Variants in TMTC1 observed in about 807,000 individuals in gnomAD.
TMTC1 encodes protein O-mannosyl-transferase TMTC1.
Under a neutral mutation model 104.8 loss-of-function variants are expected in TMTC1, and 73 were observed. That is an observed-to-expected ratio of 0.70 (90% CI 0.58 to 0.85). The LOEUF (loss-of-function observed/expected upper bound fraction) is 0.85, where lower values mean the gene tolerates loss of function less well. TMTC1 is among the 40% of genes least tolerant of loss of function. The probability of loss-of-function intolerance (pLI) is 0.00; values close to 1 mark genes in which losing one functional copy is unlikely to be tolerated. For synonymous variants in TMTC1, 434 were observed against 428.7 expected, an observed-to-expected ratio of 1.01 and a Z score of -0.15; for missense variants, 1,035 against 1,096.1, an observed-to-expected ratio of 0.94 and a Z score of 0.79.
intron 6 of TMTC1, among the ~76,000 whole-genome samples, chr12:29,619,077 A>G (rs2136454071): frequency 6.6e-6 from 1 of 152,320 alleles, no homozygotes; most frequent in African/African-American, 2.4e-5. Context: ...CATACAAATC[A>G]GGGGAAAAAA....
chr12:29,751,316 C>G (rs1398870276), intron 5 of TMTC1, among the ~76,000 whole-genome samples: 1 of 152,092 alleles, frequency 6.6e-6, no homozygotes, highest in Non-Finnish European at 1.5e-5. Flanking sequence ...AGATCAAACA[C>G]AAAGAGCAGA....
intron 5 of TMTC1, among the ~76,000 whole-genome samples, chr12:29,704,251 T>C (rs1941680143): frequency 6.6e-6 from 1 of 152,188 alleles, no homozygotes; most frequent in African/African-American, 2.4e-5. Flanking sequence ...GACAAGAAAA[T>C]AGTGATACAC....
At chr12:29,575,475 C>T (rs1457148704) in intron 8 of TMTC1, among the ~76,000 whole-genome samples, 1 of 151,556 alleles carries the variant, frequency 6.6e-6, no homozygotes, top group Non-Finnish European at 1.5e-5. Context: ...TTTATATGGG[C>T]GCCACCCCTA....
chr12:29,642,423 T>C (rs902579226), intron 5 of TMTC1, among the ~76,000 whole-genome samples: 2 of 152,156 alleles, frequency 1.3e-5, no homozygotes, highest in Non-Finnish European at 2.9e-5. Context: ...CTAGAAGGGA[T>C]TGGGGCCTTA....
chr12:29,737,721 G>A (rs139235329), intron 5 of TMTC1, among the ~76,000 whole-genome samples: 253 of 152,176 alleles, frequency 1.7e-3, no homozygotes, highest in African/African-American at 6.0e-3. Context: ...GATGGATGTG[G>A]GTTCACATCC....
rs568688227 is a variant in TMTC1, at chr12:29,765,638, CATAA to C, written c.480+2256_480+2259del. Among the ~76,000 whole-genome samples, 601 of 151,994 alleles carry C rather than the reference CATAA, an allele frequency of 4.0e-3. 6 individuals are homozygous for C. The highest frequency in any genetic ancestry group is 0.013 in the African/African-American group (544 of 41,478). On this transcript the variant is annotated intron_variant, in intron 2 of 17. Transcript: ENST00000539277. ...ATTAATTCACAGATACTTGATATAT[CATAA>C]ATAAAACAGAAAATGATAAATAATT... is the stretch of plus-strand genomic sequence containing the variant.
intron 6 of TMTC1, chr12:29,614,001 A>AT (rs1393002074): frequency 1.2e-6 from 1 of 860,764 alleles, no homozygotes; most frequent in Non-Finnish European, 1.4e-6. Flanking sequence ...AGAAAGAACC[A>AT]TAAAAAAGTT....
Position 29,518,615 on chromosome 12 carries a change from C to G in TMTC1, c.1889-8G>C, listed in dbSNP as rs1271388497. 1 of 1,613,792 alleles carries G rather than the reference C, an allele frequency of 6.2e-7. No individual in the cohort carries two copies. Among genetic ancestry groups the G allele is most frequent in the Non-Finnish European group, 8.5e-7 (1 of 1,179,794 alleles). On this transcript the variant is annotated splice_polypyrimidine_tract_variant and splice_region_variant and intron_variant, in intron 12 of 17. Coordinates refer to ENST00000539277, the MANE Select transcript of TMTC1 (RefSeq NM_001193451.2). Reference sequence around the variant, plus strand: ...CTGCCTTTTCTGGTAAGCCTGTAACCAGTGACAGGTTGGTAAGAGCAGAAC... The same window carrying G: ...CTGCCTTTTCTGGTAAGCCTGTAACGAGTGACAGGTTGGTAAGAGCAGAAC...
intron 4 of TMTC1, among the ~76,000 whole-genome samples, chr12:29,755,351 T>C (rs1425731738): frequency 6.6e-6 from 1 of 152,246 alleles, no homozygotes; most frequent in East Asian, 1.9e-4. Flanking sequence ...CAAAGCAAGC[T>C]GTGAAAAACT....
intron 10 of TMTC1, among the ~76,000 whole-genome samples, chr12:29,540,808 A>G (rs747578358): frequency 6.6e-6 from 1 of 152,124 alleles, no homozygotes; most frequent in Non-Finnish European, 1.5e-5. Context: ...CAGCCTGGCC[A>G]AGATAGTGAA....
chr12:29,646,505 A>G (rs1279522392), intron 5 of TMTC1, among the ~76,000 whole-genome samples: 1 of 152,226 alleles, frequency 6.6e-6, no homozygotes, highest in African/African-American at 2.4e-5. Flanking sequence ...TCTTCAACAA[A>G]TAAAATATCA....
In TMTC1 at chr12:29,572,098, C is replaced by T. The variant is rs768565225; in HGVS notation, c.1532+7G>A. ...CAAGGCCAACACCCTCCCTGTGTGG[C>T]GCTTACTTGAGAGCTGTTCTGTAGT... On this transcript the variant is annotated splice_region_variant and intron_variant, in intron 9 of 17. Transcript: ENST00000539277. 3.0e-5 allele frequency: 49 copies of T among 1,610,194 alleles called. No individual in the cohort carries two copies. The highest frequency in any genetic ancestry group is 5.3e-5 in the African/African-American group (4 of 74,940).
chr12:29,668,817 T>C (rs964102427), intron 5 of TMTC1, among the ~76,000 whole-genome samples: 1 of 152,248 alleles, frequency 6.6e-6, no homozygotes, highest in Non-Finnish European at 1.5e-5. Flanking sequence ...CTTCAGTTCA[T>C]ACAGTTCTAC....
intron 5 of TMTC1, among the ~76,000 whole-genome samples, chr12:29,692,709 T>G (rs927556330): frequency 6.9e-6 from 1 of 145,392 alleles, no homozygotes; most frequent in African/African-American, 2.5e-5. Context: ...TAGAGTATTA[T>G]TCACGACAGC....
chr12:29,694,723 T>C (rs1328418166), intron 5 of TMTC1, among the ~76,000 whole-genome samples: 2 of 152,142 alleles, frequency 1.3e-5, no homozygotes, highest in Non-Finnish European at 2.9e-5. Flanking sequence ...GCAGATCACC[T>C]GAGGTCAGGA....
chr12:29,544,914 T>C (rs1944899314), intron 10 of TMTC1, among the ~76,000 whole-genome samples: 1 of 152,150 alleles, frequency 6.6e-6, no homozygotes. Flanking sequence ...TTGAATGATG[T>C]GTTAGATGCT....
intron 5 of TMTC1, among the ~76,000 whole-genome samples, chr12:29,738,282 T>C (rs1275560768): frequency 6.6e-6 from 1 of 152,200 alleles, no homozygotes; most frequent in Non-Finnish European, 1.5e-5. Context: ...TTCCTTATTG[T>C]TAAATGTAAA....
chr12:29,614,179 G>GA (rs1385990002), intron 6 of TMTC1, among the ~76,000 whole-genome samples: 1 of 151,998 alleles, frequency 6.6e-6, no homozygotes, highest in East Asian at 1.9e-4. Context: ...GGTAAAAGAG[G>GA]AAAAAAAGGT....
intron 5 of TMTC1, among the ~76,000 whole-genome samples, chr12:29,725,011 G>GTT (rs879602127): frequency 0.047 from 5,403 of 114,930 alleles, 808 homozygotes; most frequent in Non-Finnish European, 0.072. Context: ...TATCTGCCAA[G>GTT]TTCTTTTTTT....
Sources: allele counts gnomAD v4.1 joint callset (sites outside exome capture counted in the v4.1 genomes callset), GRCh38; gene constraint gnomAD v4.1.1; transcripts MANE v1.5; gene names NCBI Gene and HGNC (gene_info 2026-07-23, HGNC 2026-07-21).